Variants in OR8B3 observed in about 807,000 individuals in gnomAD.
The protein encoded by OR8B3 is olfactory receptor 8B3.
For missense variants in OR8B3, 278 were observed against 377.6 expected (o/e 0.74, Z 2.19); for synonymous variants, 102 against 135.4 (o/e 0.75, Z 1.71).
rs541448893 is a variant in OR8B3 at position 124,396,870 on chromosome 11, C to G, written c.482G>C (p.Gly161Ala). 1.2e-6 allele frequency: 2 copies of G among 1,606,744 alleles called. No individual in the cohort carries two copies. The highest frequency in any genetic ancestry group is 2.7e-5 in the African/African-American group (2 of 74,446). The change falls in exon 2 of 2, where the codon GGG (glycine) becomes GCG (alanine). Residue 161 changes from glycine to alanine, a missense_variant. Transcript: ENST00000641139. ...GCAGAAGGTGAGTCTAAGCATGCAC[C>G]CGGTGTGGGCCGTGGCTCCAGCCAA... ...MGLAGATAHTGCMLRLTFCSA... is the reference protein window; with the variant it reads ...MGLAGATAHTACMLRLTFCSA...
upstream of OR8B3, among the ~76,000 whole-genome samples, chr11:124,400,614 C>T (rs893101062): frequency 3.1e-4 from 47 of 152,254 alleles, 1 homozygote; most frequent in Admixed American, 2.0e-3. Flanking sequence ...TCTTGGCTCA[C>T]GGAAGCCTTG....
chr11:124,396,550 C>G lies in OR8B3; in HGVS notation c.802G>C (p.Glu268Gln), dbSNP rs144390293. Residue 268 changes from glutamate (E) to glutamine (Q), a missense_variant, in exon 2 of 2, where the codon GAG becomes CAG. Physicochemically the swap from Glu to Gln is conservative, Grantham distance 29. Transcript: ENST00000641139. ...AAAACAGAAGAAACTTTTCCCTGCT[C>G]CATAGATCCAGAAGAATATTTAATA... Reference protein sequence around the residue: ...MYIKYSSGSMEQGKVSSVFYT... With the variant: ...MYIKYSSGSMQQGKVSSVFYT... The G allele has an allele frequency of 4.5e-4, 729 of 1,613,640 alleles. No homozygotes were observed. Among genetic ancestry groups the G allele is most frequent in the Non-Finnish European group, 5.8e-4 (680 of 1,179,826 alleles).
chr11:124,398,952 A>G lies in OR8B3; in HGVS notation c.-280T>C, dbSNP rs1860943930. On this transcript the variant is annotated 5_prime_UTR_variant, in exon 1 of 2. An upstream start codon of the reference 5' UTR is lost. Transcript: ENST00000641139. ...AACTGCACTTCAAACCAGAGCTACC[A>G]TGTCATAGAGCACATGGCATTTGCT... 6.6e-6 allele frequency: 1 copy of G among 152,190 alleles called. No homozygotes were observed. Among genetic ancestry groups the G allele is most frequent in the African/African-American group, 2.4e-5 (1 of 41,444 alleles). 9.4% of individuals were successfully genotyped at this position (152,190 alleles called of 1,614,324 possible).
At chr11:124,402,637 T>C (rs1404929088), upstream of OR8B3, among the ~76,000 whole-genome samples, 3 of 152,178 alleles carry the variant, frequency 2.0e-5, no homozygotes, top group Non-Finnish European at 2.9e-5. Flanking sequence ...AATGTGAAGT[T>C]TTTTAAAGAT....
upstream of OR8B3, among the ~76,000 whole-genome samples, chr11:124,399,708 C>T (rs926958476): frequency 2.6e-5 from 4 of 152,128 alleles, no homozygotes; most frequent in African/African-American, 9.7e-5. Context: ...CGATGTCTTC[C>T]ACGACTATAG....
Position 124,396,805 on chromosome 11 carries a change from G to T in OR8B3, c.547C>A (p.Pro183Thr). 1.2e-6 allele frequency: 2 copies of T among 1,610,718 alleles called. No homozygotes were observed. The highest frequency in any genetic ancestry group is 1.7e-6 in the Non-Finnish European group (2 of 1,177,450). ...IINHYLCDILPLLQLSCTSTY... is the reference protein window; with the variant it reads ...IINHYLCDILTLLQLSCTSTY... ...CTGGTGCAGGAAAGCTGGAGGAGGG[G>T]GAGTATGTCACACAAGTAATGGTTG... The change falls in exon 2 of 2, where the codon CCC (proline) becomes ACC (threonine). Residue 183 changes from proline to threonine, a missense_variant. Transcript: ENST00000641139.
Position 124,396,635 on chromosome 11 carries a change from A to G in OR8B3, c.717T>C (p.Ser239=), listed in dbSNP as rs1383845628. The G allele has an allele frequency of 1.9e-6, 3 of 1,611,668 alleles. No individual in the cohort carries two copies. Among genetic ancestry groups the G allele is most frequent in the Non-Finnish European group, 2.5e-6 (3 of 1,178,954 alleles). Residue 239 remains serine (S), a synonymous_variant, in exon 2 of 2, where the codon AGT becomes AGC. Transcript: ENST00000641139. ...KSTQGRSKAF[S]TCSSHVIALS... is the part of the protein sequence containing the mutation. ...GAGCAATGACATGAGAGCTACAAGT[A>G]CTGAAGGCTTTTGATCTTCCTTGAG...
upstream of OR8B3, among the ~76,000 whole-genome samples, chr11:124,403,457 C>A (rs1861030380): frequency 6.6e-6 from 1 of 151,422 alleles, no homozygotes; most frequent in Non-Finnish European, 1.5e-5. Context: ...GGCAGAGACG[C>A]TCCTCACCTC....
At chr11:124,405,298 CT>C in the OR8B3 span, among the ~76,000 whole-genome samples, 1 of 152,124 alleles carries the variant, frequency 6.6e-6, no homozygotes, top group African/African-American at 2.4e-5. Context: ...TTGTCCTTCC[CT>C]CTTCTCTCCC....
At chr11:124,405,624 T>C in the OR8B3 span, among the ~76,000 whole-genome samples, 1 of 152,198 alleles carries the variant, frequency 6.6e-6, no homozygotes, top group Non-Finnish European at 1.5e-5. Context: ...AAGAGTTCTT[T>C]GGAGAATTTT....
the OR8B3 span, among the ~76,000 whole-genome samples, chr11:124,408,940 C>CA: frequency 7.2e-5 from 11 of 152,318 alleles, no homozygotes; most frequent in African/African-American, 2.2e-4. Context: ...GCACAGTGCA[C>CA]ACTGCCCCTG....
At chr11:124,401,273 TA>T (rs748357826), upstream of OR8B3, among the ~76,000 whole-genome samples, 115 of 134,742 alleles carry the variant, frequency 8.5e-4, 4 homozygotes, top group Admixed American at 8.4e-3. Flanking sequence ...CATCCTTTTG[TA>T]AGAAACCCAC....
At chr11:124,408,895 T>A in the OR8B3 span, among the ~76,000 whole-genome samples, 1 of 152,178 alleles carries the variant, frequency 6.6e-6, no homozygotes, top group East Asian at 1.9e-4. Flanking sequence ...TAGAAGTAGG[T>A]ATAAATAGGA....
intron 1 of OR8B3, among the ~76,000 whole-genome samples, chr11:124,397,836 C>G (rs1860916200): frequency 6.6e-6 from 1 of 151,990 alleles, no homozygotes; most frequent in Admixed American, 6.6e-5. Context: ...GCTAGGATTA[C>G]AGGCACATGC....
chr11:124,396,337 C>T lies in OR8B3; in HGVS notation c.*73G>A, dbSNP rs1413713856. The T allele has an allele frequency of 5.4e-6, 7 of 1,286,828 alleles. No individual in the cohort carries two copies. The highest frequency in any genetic ancestry group is 2.0e-4 in the Middle Eastern group (1 of 4,946). The allele number at this position is 1,286,828 out of a possible 1,614,324, so 79.7% of individuals were successfully genotyped here. Reference sequence around the variant, plus strand: ...CACATAACACCATCTGTAGAAACAACAAAATCTCTTCATGGAACACACTAA... The same window carrying T: ...CACATAACACCATCTGTAGAAACAATAAAATCTCTTCATGGAACACACTAA... On this transcript the variant is annotated 3_prime_UTR_variant, in exon 2 of 2. Coordinates refer to ENST00000641139, the MANE Select transcript of OR8B3 (RefSeq NM_001005467.2).
intron 1 of OR8B3, among the ~76,000 whole-genome samples, chr11:124,397,834 TACAGGC>T (rs1860916153): frequency 6.6e-6 from 1 of 152,048 alleles, no homozygotes; most frequent in Admixed American, 6.5e-5. Context: ...TAGCTAGGAT[TACAGGC>T]ACATGCCACG....
At chr11:124,404,590 G>A in the OR8B3 span, 1 of 152,310 alleles carries the variant, frequency 6.6e-6, no homozygotes, top group East Asian at 1.9e-4. Context: ...AAGCTCTGCA[G>A]CCTCACTATC....
upstream of OR8B3, among the ~76,000 whole-genome samples, chr11:124,399,638 A>T (rs142845216): frequency 2.0e-5 from 3 of 152,334 alleles, no homozygotes; most frequent in Non-Finnish European, 4.4e-5. Flanking sequence ...TAGAATCACA[A>T]GAAGTGGCAA....
chr11:124,405,064 A>G, the OR8B3 span: 2 of 152,098 alleles, frequency 1.3e-5, no homozygotes, highest in African/African-American at 2.4e-5. Flanking sequence ...TCTCACAAGG[A>G]TAAATTCAGT....
Sources: allele counts gnomAD v4.1 joint callset (sites outside exome capture counted in the v4.1 genomes callset), GRCh38; gene constraint gnomAD v4.1.1; transcripts MANE v1.5; gene names NCBI Gene and HGNC (gene_info 2026-07-23, HGNC 2026-07-21).